Variants in TNNI3K observed in about 807,000 individuals in gnomAD.
TNNI3K encodes the protein serine/threonine-protein kinase TNNI3K.
A neutral mutation model predicts 114.5 loss-of-function variants in TNNI3K; 140 were observed. The ratio of observed to expected loss-of-function variants is 1.22; its 90% CI spans 1.07 to 1.41. The LOEUF (loss-of-function observed/expected upper bound fraction) is 1.41. Among genes scored for constraint, TNNI3K ranks in the 40% most tolerant of loss-of-function variants. The pLI, the probability that TNNI3K is intolerant of heterozygous loss-of-function variation, is 0.00. For missense variants in TNNI3K, 1,125 were observed against 1,007.6 expected, an observed-to-expected ratio of 1.12 and a Z score of -1.58; for synonymous variants, 347 against 347.5, an observed-to-expected ratio of 1.00 and a Z score of 0.02.
intron 9 of TNNI3K, among the ~76,000 whole-genome samples, chr1:74,348,537 A>G (rs1483614752): frequency 6.6e-6 from 1 of 152,206 alleles, no homozygotes; most frequent in Non-Finnish European, 1.5e-5. Context: ...CTGTGAAGAA[A>G]GTCATTGGTA....
At chr1:74,288,077 A>AC (rs1465769016) in intron 5 of TNNI3K, among the ~76,000 whole-genome samples, 1 of 152,158 alleles carries the variant, frequency 6.6e-6, no homozygotes, top group Non-Finnish European at 1.5e-5. Flanking sequence ...ACTATCAAAA[A>AC]GGCAAAAAAT....
chr1:74,521,629 A>G (rs963139393), intron 23 of TNNI3K, among the ~76,000 whole-genome samples: 14 of 152,156 alleles, frequency 9.2e-5, no homozygotes, highest in Non-Finnish European at 1.8e-4. Flanking sequence ...GTAAAGACGC[A>G]CTATATTCCT....
rs149618152 is a variant in TNNI3K at position 74,435,153 on chromosome 1, G to A, written c.1773-927G>A. ...AGACATATGGTAAGAAGCATTCAAA[G>A]ACAATCTTGGACTATCATATGCATG... On this transcript the variant is annotated intron_variant, in intron 17 of 24. Coordinates refer to ENST00000326637, the MANE Select transcript of TNNI3K (RefSeq NM_015978.3). 2.9e-3 allele frequency among the ~76,000 whole-genome samples: 434 copies of A among 152,116 alleles called. 3 individuals carry two copies. The highest frequency in any genetic ancestry group is 9.9e-3 in the African/African-American group (413 of 41,522).
intron 21 of TNNI3K, among the ~76,000 whole-genome samples, chr1:74,466,114 C>T (rs1276551565): frequency 3.9e-5 from 6 of 152,194 alleles, no homozygotes; most frequent in Admixed American, 1.3e-4. Context: ...AAGGAAGAAA[C>T]TCCGGACATA....
intron 17 of TNNI3K, among the ~76,000 whole-genome samples, chr1:74,386,974 A>G (rs1663515325): frequency 6.6e-6 from 1 of 152,184 alleles, no homozygotes; most frequent in South Asian, 2.1e-4. Context: ...AGATTTGGGA[A>G]TTTCAGAGAG....
At chr1:74,292,335 CT>C (rs1229697929) in intron 5 of TNNI3K, among the ~76,000 whole-genome samples, 4 of 150,988 alleles carry the variant, frequency 2.6e-5, no homozygotes, top group African/African-American at 4.8e-5. Context: ...AATATTTAGC[CT>C]TTTTTTTCTA....
chr1:74,480,527 A>T, intron 21 of TNNI3K: 1 of 717,488 alleles, frequency 1.4e-6, no homozygotes, highest in Non-Finnish European at 2.6e-6. Flanking sequence ...CAGGGGCCGG[A>T]AGGCATCTTT....
chr1:74,400,806 G>C (rs1418874880), intron 17 of TNNI3K, among the ~76,000 whole-genome samples: 1 of 152,172 alleles, frequency 6.6e-6, no homozygotes, highest in Non-Finnish European at 1.5e-5. Context: ...CCAGGCTGAT[G>C]TCTGGTGGTA....
intron 21 of TNNI3K, among the ~76,000 whole-genome samples, chr1:74,474,313 C>A (rs9659824): frequency 6.6e-6 from 1 of 152,120 alleles, no homozygotes; most frequent in Admixed American, 6.6e-5. Context: ...GCATATGTTT[C>A]TTTCCTCAGC....
At chr1:74,247,978 T>A (rs1654688518) in intron 2 of TNNI3K, among the ~76,000 whole-genome samples, 1 of 150,186 alleles carries the variant, frequency 6.7e-6, no homozygotes, top group Non-Finnish European at 1.5e-5. Flanking sequence ...TGGCTCAGGT[T>A]GCCTGGGAGC....
intron 23 of TNNI3K, among the ~76,000 whole-genome samples, chr1:74,494,053 T>A (rs1311891203): frequency 6.6e-6 from 1 of 152,116 alleles, no homozygotes; most frequent in African/African-American, 2.4e-5. Context: ...GTGAGCTTCA[T>A]AGATACCCTG....
At chr1:74,493,904 G>T (rs1419162210) in intron 23 of TNNI3K, among the ~76,000 whole-genome samples, 1 of 152,178 alleles carries the variant, frequency 6.6e-6, no homozygotes, top group South Asian at 2.1e-4. Context: ...AAATATACTT[G>T]ATTTTTAGTG....
chr1:74,384,538 A>G (rs982014848), intron 17 of TNNI3K, among the ~76,000 whole-genome samples: 3 of 152,178 alleles, frequency 2.0e-5, no homozygotes, highest in Non-Finnish European at 4.4e-5. Flanking sequence ...TTCTAAATCA[A>G]TTGATTTTCC....
At chr1:74,471,178 C>T (rs895007512) in intron 21 of TNNI3K, 7 of 400,528 alleles carry the variant, frequency 1.7e-5, no homozygotes, top group Admixed American at 1.3e-4. Context: ...GTTGACTACA[C>T]GCAAGTTGTT....
At chr1:74,538,825 G>C (rs1466543062) in intron 23 of TNNI3K, among the ~76,000 whole-genome samples, 1 of 152,138 alleles carries the variant, frequency 6.6e-6, no homozygotes, top group Admixed American at 6.6e-5. Context: ...AGCTTGGAGG[G>C]TTCAAGAGAC....
chr1:74,482,508 T>A (rs1463511917), intron 21 of TNNI3K, among the ~76,000 whole-genome samples: 1 of 152,180 alleles, frequency 6.6e-6, no homozygotes, highest in Non-Finnish European at 1.5e-5. Flanking sequence ...CATGAAAACC[T>A]CTCTGTCCTG....
intron 20 of TNNI3K, among the ~76,000 whole-genome samples, chr1:74,441,984 A>C (rs943299306): frequency 7.2e-5 from 11 of 152,074 alleles, no homozygotes; most frequent in Non-Finnish European, 1.5e-4. Context: ...ATCTTATGAA[A>C]ATTTTAAATC....
intron 5 of TNNI3K, among the ~76,000 whole-genome samples, chr1:74,312,581 G>A (rs550651526): frequency 3.9e-5 from 6 of 152,290 alleles, no homozygotes; most frequent in Admixed American, 2.0e-4. Context: ...ACACAAAGCC[G>A]AGAGGAATTT....
rs1158598409 is a variant in TNNI3K at position 74,451,683 on chromosome 1, TTTTCTTTCTTTCTTTCTTTCTTTC to T, written c.2012-11714_2012-11691del. Among the ~76,000 whole-genome samples the T allele has an allele frequency of 1.3e-4, 10 of 76,212 alleles. 1 individual carries two copies. Among genetic ancestry groups the T allele is most frequent in the Admixed American group, 5.5e-4 (3 of 5,448 alleles). 50.0% of individuals were successfully genotyped at this position (76,212 alleles called of 152,430 possible). On this transcript the variant is annotated intron_variant, in intron 20 of 24. Transcript: ENST00000326637. ...TTTTCTTTTCTTTTCTTTTCTTTTCTTTTCTTTCTTTCTTTCTTTCTTTCTTTCTTTCTTTCTTTCTTTCTTTCT... is the reference window on the plus strand; with the variant it reads ...TTTTCTTTTCTTTTCTTTTCTTTTCTTTTCTTTCTTTCTTTCTTTCTTTCT...
Sources: gnomAD v4.1 joint callset for allele counts (sites outside exome capture counted in the v4.1 genomes callset) on GRCh38, gnomAD v4.1.1 for gene constraint, MANE v1.5 for transcripts, NCBI Gene and HGNC (gene_info 2026-07-23, HGNC 2026-07-21) for gene names.